Variants in BCAS3 observed in about 807,000 individuals in gnomAD.
The protein encoded by BCAS3 is BCAS4/BCAS3 fusion.
BCAS3 carries 53 observed loss-of-function variants against 116.1 expected under a neutral mutation model. The ratio of observed to expected loss-of-function variants is 0.46; its 90% CI spans 0.37 to 0.57. The LOEUF (loss-of-function observed/expected upper bound fraction) is 0.57, where lower values mean the gene tolerates loss of function less well. Among genes scored for constraint, BCAS3 ranks in the 20% least tolerant of loss-of-function variants. The pLI is 0.00. For missense variants in BCAS3, 917 were observed against 1,165.4 expected (o/e 0.79, Z 3.10); for synonymous variants, 391 against 408.2 (o/e 0.96, Z 0.51).
At chr17:60,744,171 G>A (rs1176662225) in intron 5 of BCAS3, among the ~76,000 whole-genome samples, 2 of 152,110 alleles carry the variant, frequency 1.3e-5, no homozygotes. Context: ...ATACTGCTTG[G>A]ACTCTCTTTC....
At chr17:61,050,059 A>C (rs2068719798) in intron 19 of BCAS3, among the ~76,000 whole-genome samples, 1 of 152,006 alleles carries the variant, frequency 6.6e-6, no homozygotes, top group African/African-American at 2.4e-5. Flanking sequence ...GTATGGAAAG[A>C]AAATAACCAT....
In BCAS3 at chr17:60,705,489, G is replaced by C. The variant is rs148380279; in HGVS notation, c.215-3730G>C. On this transcript the variant is annotated intron_variant, in intron 4 of 23. Coordinates refer to ENST00000407086, the MANE Select transcript of BCAS3 (RefSeq NM_017679.5). ...AGATCATGCCACTGTATTCCAGCTT[G>C]GGTGACAGAGTGAGACTTGTCTCAA... Among the ~76,000 whole-genome samples the C allele has an allele frequency of 1.3e-3, 197 of 150,720 alleles. 1 individual carries two copies. The highest frequency in any genetic ancestry group is 4.5e-3 in the African/African-American group (185 of 40,952).
chr17:61,115,348 A>G (rs1825870270), intron 22 of BCAS3, among the ~76,000 whole-genome samples: 1 of 152,208 alleles, frequency 6.6e-6, no homozygotes, highest in Admixed American at 6.5e-5. Flanking sequence ...TCATCTGACA[A>G]AGGGCTAATA....
intron 7 of BCAS3, among the ~76,000 whole-genome samples, chr17:60,826,582 G>C (rs1290145979): frequency 6.6e-6 from 1 of 152,112 alleles, no homozygotes; most frequent in African/African-American, 2.4e-5. Flanking sequence ...CTTCTATACT[G>C]TCTGATTCTA....
chr17:61,368,169 T>A lies in BCAS3; in HGVS notation c.2426-158T>A. On this transcript the variant is annotated intron_variant, in intron 22 of 23. Coordinates refer to ENST00000407086, the MANE Select transcript of BCAS3 (RefSeq NM_017679.5). The surrounding 1 kb of genome is among the most constrained non-coding windows in gnomAD (Gnocchi z 6.0). Reference sequence around the variant, plus strand: ...TGCACTCTCTCAGCGGCATGAGCTATTTCTCCTGCGCTACCCAGTCTGTTG... The same window carrying A: ...TGCACTCTCTCAGCGGCATGAGCTAATTCTCCTGCGCTACCCAGTCTGTTG... The A allele has an allele frequency of 1.5e-6, 1 of 668,194 alleles. No individual in the cohort carries two copies. The highest frequency in any genetic ancestry group is 2.4e-6 in the Non-Finnish European group (1 of 413,704). The allele number at this position is 668,194 out of a possible 1,614,324, so 41.4% of individuals were successfully genotyped here.
chr17:60,880,037 G>C (rs551690027), intron 9 of BCAS3, among the ~76,000 whole-genome samples: 1 of 152,286 alleles, frequency 6.6e-6, no homozygotes, highest in South Asian at 2.1e-4. Flanking sequence ...TGGAATCATA[G>C]TGGACACTCA....
At chr17:61,272,315 A>G (rs140980012) in intron 22 of BCAS3, among the ~76,000 whole-genome samples, 2 of 152,230 alleles carry the variant, frequency 1.3e-5, no homozygotes, top group South Asian at 4.1e-4. Flanking sequence ...GGTGATATTT[A>G]TGGTGTTTGT....
At chr17:60,922,273 C>T (rs538605101) in intron 12 of BCAS3, among the ~76,000 whole-genome samples, 4 of 152,038 alleles carry the variant, frequency 2.6e-5, no homozygotes, top group South Asian at 2.1e-4. Flanking sequence ...ATTACAGGCA[C>T]GCGCCACCAT....
At chr17:61,359,525 CTCTT>C (rs2058339734) in intron 22 of BCAS3, among the ~76,000 whole-genome samples, 1 of 146,624 alleles carries the variant, frequency 6.8e-6, no homozygotes, top group African/African-American at 2.5e-5. Flanking sequence ...GACGGACTCT[CTCTT>C]TGTTGCCCAG....
chr17:60,719,069 A>C (rs1271272580), intron 5 of BCAS3, among the ~76,000 whole-genome samples: 1 of 152,180 alleles, frequency 6.6e-6, no homozygotes, highest in African/African-American at 2.4e-5. Context: ...CTCAAAAAAA[A>C]CAAAAACAAA....
In BCAS3 at chr17:61,122,033, CAT is replaced by C. The variant is rs999965331; in HGVS notation, c.2425+37472_2425+37473del. On this transcript the variant is annotated intron_variant, in intron 22 of 23. Transcript: ENST00000407086. This position sits in a 1 kb window ranked among gnomAD's most constrained non-coding sequence, Gnocchi z 4.6. ...GTGAGCCACTGTGCCCGGCCAAAAA[CAT>C]ATGATTTTTACAAAAGAAAATTTAA... is the stretch of plus-strand genomic sequence containing the variant. Among the ~76,000 whole-genome samples, 10 of 152,112 alleles carry C rather than the reference CAT, an allele frequency of 6.6e-5. No homozygotes were observed. Among genetic ancestry groups the C allele is most frequent in the African/African-American group, 2.4e-4 (10 of 41,418 alleles).
rs552971265 is a variant in BCAS3 at position 61,333,891 on chromosome 17, A to T, written c.2426-34436A>T. 4.4e-4 allele frequency among the ~76,000 whole-genome samples: 67 copies of T among 152,286 alleles called. No individual in the cohort carries two copies. The highest frequency in any genetic ancestry group is 1.4e-3 in the African/African-American group (60 of 41,554). On this transcript the variant is annotated intron_variant, in intron 22 of 23. Transcript: ENST00000407086. The surrounding 1 kb of genome is among the most constrained non-coding windows in gnomAD (Gnocchi z 4.8). ...CATCTCGGCCTCCCAAAGTGCTGGG[A>T]TTACAGGCATGAGCCATGGTACCCT... is the stretch of plus-strand genomic sequence containing the variant.
intron 7 of BCAS3, among the ~76,000 whole-genome samples, chr17:60,847,218 G>A (rs1408967253): frequency 6.6e-6 from 1 of 152,018 alleles, no homozygotes; most frequent in East Asian, 1.9e-4. Context: ...ACTACAATTT[G>A]TTTATCCATT....
chr17:61,030,135 A>G (rs2066525562), intron 16 of BCAS3, among the ~76,000 whole-genome samples: 1 of 152,148 alleles, frequency 6.6e-6, no homozygotes, highest in African/African-American at 2.4e-5. Context: ...TACCACTTGT[A>G]ATACTTAGAT....
Position 61,078,482 on chromosome 17 carries a change from G to T in BCAS3, c.2280G>T (p.Gln760His). 1 of 1,614,186 alleles carries T rather than the reference G, an allele frequency of 6.2e-7. No individual in the cohort carries two copies. The highest frequency in any genetic ancestry group is 8.5e-7 in the Non-Finnish European group (1 of 1,180,026). Residue 760 changes from glutamine (Q) to histidine (H), a missense_variant, in exon 21 of 24, where the codon CAG (glutamine) becomes CAT (histidine). By Grantham distance (24) the Gln-to-His change is conservative. Coordinates refer to ENST00000407086, the MANE Select transcript of BCAS3 (RefSeq NM_017679.5). ...LQSHGPSDTPQPLLDFDTDDL... is the reference protein window; with the variant it reads ...LQSHGPSDTPHPLLDFDTDDL... Reference sequence around the variant, plus strand: ...CTCATGGTCCGAGTGACACGCCACAGCCTCTTTTGGATTTTGATACAGATG... The same window carrying T: ...CTCATGGTCCGAGTGACACGCCACATCCTCTTTTGGATTTTGATACAGATG...
intron 20 of BCAS3, among the ~76,000 whole-genome samples, chr17:61,076,001 C>G (rs1447644182): frequency 1.3e-5 from 2 of 152,068 alleles, no homozygotes; most frequent in Non-Finnish European, 2.9e-5. Context: ...TCAAGCAATC[C>G]TCCTGTGTTG....
chr17:60,823,347 A>G (rs1326856080), intron 7 of BCAS3, among the ~76,000 whole-genome samples: 1 of 152,196 alleles, frequency 6.6e-6, no homozygotes, highest in Non-Finnish European at 1.5e-5. Flanking sequence ...GGAATGGTGC[A>G]GATACAAGGG....
intron 22 of BCAS3, among the ~76,000 whole-genome samples, chr17:61,321,200 G>T (rs1037661961): frequency 6.6e-6 from 1 of 151,988 alleles, no homozygotes; most frequent in African/African-American, 2.4e-5. Context: ...ATTTGTTTAA[G>T]GCAGATTCTT....
intron 11 of BCAS3, among the ~76,000 whole-genome samples, chr17:60,902,924 T>A (rs1465632848): frequency 6.6e-6 from 1 of 152,238 alleles, no homozygotes; most frequent in East Asian, 1.9e-4. Context: ...TTCTCTGTGA[T>A]TTGCATCGTT....
Sources: allele counts gnomAD v4.1 joint callset (sites outside exome capture counted in the v4.1 genomes callset), GRCh38; gene constraint gnomAD v4.1.1; non-coding constraint Gnocchi (gnomAD v3.1); transcripts MANE v1.5; gene names NCBI Gene and HGNC (gene_info 2026-07-23, HGNC 2026-07-21).